TEKT1: variants seen among roughly 807,000 people sequenced by gnomAD.
TEKT1 encodes tektin-1.
A neutral mutation model predicts 34.8 loss-of-function variants in TEKT1; 32 were observed. The observed-to-expected ratio is 0.92, with a 90% CI of 0.69 to 1.23. The LOEUF (loss-of-function observed/expected upper bound fraction) is 1.23, where lower values mean the gene tolerates loss of function less well. Among genes scored for constraint, TEKT1 ranks in the 50% most tolerant of loss-of-function variants. The pLI is 0.00. For synonymous variants in TEKT1, 207 were observed against 199.8 expected (o/e 1.04, Z -0.30); for missense variants, 492 against 518.5 (o/e 0.95, Z 0.50).
intron 2 of TEKT1, among the ~76,000 whole-genome samples, chr17:6,828,327 C>G (rs569646320): frequency 6.6e-6 from 1 of 152,126 alleles, no homozygotes; most frequent in Non-Finnish European, 1.5e-5. Context: ...TAAGGGTCAA[C>G]CTATTAGGAG....
chr17:6,827,204 G>A (rs75997523), intron 2 of TEKT1, among the ~76,000 whole-genome samples: 9,255 of 151,052 alleles, frequency 0.061, 357 homozygotes, highest in Middle Eastern at 0.14. Flanking sequence ...ACAGCTCTCA[G>A]TACCTACGGT....
Position 6,800,070 on chromosome 17 carries a change from T to C in TEKT1, c.1214A>G (p.His405Arg), listed in dbSNP as rs201161430. 10 of 1,612,680 alleles carry C rather than the reference T, an allele frequency of 6.2e-6. No individual in the cohort carries two copies. In the African/African-American group the frequency reaches 9.3e-5, roughly 15 times the overall value. ...KSIPLRDGED[H>R]GVWAGGLRPD... ...GCGGAGGCCCCCAGCCCAGACCCCA[T>C]GGTCTTCCCCATCCCGAAGTGGGAT... Residue 405 changes from histidine (H) to arginine (R), a missense_variant, in exon 8 of 8, where the codon CAT becomes CGT. Physicochemically the swap from His to Arg is conservative, Grantham distance 29. Transcript: ENST00000338694.
chr17:6,827,650 T>C (rs946230767), intron 2 of TEKT1, among the ~76,000 whole-genome samples: 1 of 152,186 alleles, frequency 6.6e-6, no homozygotes, highest in East Asian at 1.9e-4. Context: ...AGATTTTCAT[T>C]GGCATTGCAT....
chr17:6,830,225 G>A lies in TEKT1; in HGVS notation c.152C>T (p.Thr51Ile), dbSNP rs141292245. ...SQRLVDEIEKTTRKSQSDVNK... is the reference protein window; with the variant it reads ...SQRLVDEIEKITRKSQSDVNK... ...CACATCGCTTTGAGATTTTCTTGTGGTCTTTTCAATTTCATCCACAAGCCT... is the reference window on the plus strand; with the variant it reads ...CACATCGCTTTGAGATTTTCTTGTGATCTTTTCAATTTCATCCACAAGCCT... The change falls in exon 2 of 8, where the codon ACC (threonine) becomes ATC (isoleucine). Residue 51 changes from threonine (T) to isoleucine (I), a missense_variant. Transcript: ENST00000338694. The A allele has an allele frequency of 4.3e-6, 7 of 1,610,110 alleles. No individual in the cohort carries two copies. In the African/African-American group the frequency reaches 8.0e-5, roughly 18 times the overall value.
Position 6,811,526 on chromosome 17 carries a change from C to T in TEKT1, c.852+1305G>A, listed in dbSNP as rs550698588. 8.5e-5 allele frequency among the ~76,000 whole-genome samples: 13 copies of T among 152,184 alleles called. No individual in the cohort carries two copies. Among genetic ancestry groups the T allele is most frequent in the East Asian group, 1.9e-4 (1 of 5,172 alleles). On this transcript the variant is annotated intron_variant, in intron 6 of 7. Coordinates refer to ENST00000338694, the MANE Select transcript of TEKT1 (RefSeq NM_053285.2). This position sits in a 1 kb window ranked among gnomAD's most constrained non-coding sequence, Gnocchi z 4.4. ...TCAAACCCAAGATGTCTGGCTCTGA[C>T]GTCTACCCATTTCCACTAGGCTCGT...
At chr17:6,820,207 C>T (rs1044642618) in intron 2 of TEKT1, among the ~76,000 whole-genome samples, 5 of 151,918 alleles carry the variant, frequency 3.3e-5, no homozygotes, top group Non-Finnish European at 7.4e-5. Flanking sequence ...TTATTTACAC[C>T]TGAGCCCTAT....
At chr17:6,810,919 T>C (rs141317633) in intron 6 of TEKT1, among the ~76,000 whole-genome samples, 3 of 152,300 alleles carry the variant, frequency 2.0e-5, no homozygotes, top group African/African-American at 7.2e-5. Flanking sequence ...TTTGTATTTT[T>C]AGTAGAGACA....
At chr17:6,830,948 A>G (rs1334437719) in intron 1 of TEKT1, among the ~76,000 whole-genome samples, 1 of 152,104 alleles carries the variant, frequency 6.6e-6, no homozygotes, top group Non-Finnish European at 1.5e-5. Context: ...TTGTTGGGTC[A>G]TGGAGTAATG....
At chr17:6,810,004 C>G (rs1976905357) in intron 6 of TEKT1, among the ~76,000 whole-genome samples, 1 of 152,126 alleles carries the variant, frequency 6.6e-6, no homozygotes, top group South Asian at 2.1e-4. Flanking sequence ...GGGCAAATAC[C>G]AAGGAAGGAG....
chr17:6,830,107 A>C, intron 2 of TEKT1, 80 bp downstream of exon 2: 1 of 1,342,054 alleles, frequency 7.5e-7, no homozygotes, highest in Non-Finnish European at 1.0e-6. Flanking sequence ...ATATGTTGCC[A>C]CATCTGAACA....
At chr17:6,816,688 A>G (rs1254508725) in intron 3 of TEKT1, among the ~76,000 whole-genome samples, 2 of 152,216 alleles carry the variant, frequency 1.3e-5, no homozygotes, top group African/African-American at 4.8e-5. Context: ...GCCACAATAA[A>G]CAAACGTGTG....
chr17:6,810,393 G>A lies in TEKT1; in HGVS notation c.852+2438C>T, dbSNP rs191625403. 4.8e-4 allele frequency among the ~76,000 whole-genome samples: 73 copies of A among 152,186 alleles called. No individual in the cohort carries two copies. In the East Asian group the frequency reaches 0.013, roughly 27 times the overall value. ...CAATTCTTTATCAGATATGTATTTTGCAAGTATTTTATCCCAGTGTGTGGT... is the reference window on the plus strand; with the variant it reads ...CAATTCTTTATCAGATATGTATTTTACAAGTATTTTATCCCAGTGTGTGGT... On this transcript the variant is annotated intron_variant, in intron 6 of 7. Coordinates refer to ENST00000338694, the MANE Select transcript of TEKT1 (RefSeq NM_053285.2).
intron 3 of TEKT1, among the ~76,000 whole-genome samples, chr17:6,816,422 T>G (rs1428717434): frequency 6.6e-6 from 1 of 152,118 alleles, no homozygotes; most frequent in Non-Finnish European, 1.5e-5. Context: ...TGATGTTCCC[T>G]GCCCTTTGTC....
intron 5 of TEKT1, among the ~76,000 whole-genome samples, chr17:6,813,938 G>C (rs924678223): frequency 7.6e-5 from 10 of 132,332 alleles, no homozygotes; most frequent in Non-Finnish European, 9.5e-5. Context: ...TGTGGCTTCT[G>C]TCATCCGTTC....
intron 6 of TEKT1, among the ~76,000 whole-genome samples, chr17:6,808,426 A>G (rs994712096): frequency 6.6e-6 from 1 of 152,102 alleles, no homozygotes; most frequent in East Asian, 1.9e-4. Flanking sequence ...GGGTGAGGCA[A>G]TGCCTCACCG....
intron 3 of TEKT1, 113 bp from the exon 4 acceptor site, chr17:6,816,075 G>A (rs777594738): frequency 6.2e-5 from 88 of 1,408,494 alleles, no homozygotes; most frequent in Middle Eastern, 2.3e-4. Flanking sequence ...AGTGTCACCC[G>A]ATCCATCCGA....
At chr17:6,824,261 C>A (rs573820104) in intron 2 of TEKT1, among the ~76,000 whole-genome samples, 9 of 152,232 alleles carry the variant, frequency 5.9e-5, no homozygotes, top group Non-Finnish European at 1.3e-4. Flanking sequence ...TTTGGGTAGT[C>A]TAATCTACCC....
chr17:6,828,926 G>A (rs1182429739), intron 2 of TEKT1, among the ~76,000 whole-genome samples: 3 of 151,966 alleles, frequency 2.0e-5, no homozygotes, highest in Non-Finnish European at 2.9e-5. Context: ...TGAGGCGGGC[G>A]GACCACCTGA....
chr17:6,816,161 T>C (rs1977005743), intron 3 of TEKT1, among the ~76,000 whole-genome samples, 199 bp from the exon 4 acceptor site: 1 of 152,200 alleles, frequency 6.6e-6, no homozygotes, highest in Non-Finnish European at 1.5e-5. Flanking sequence ...GAAAAATTGA[T>C]TGATGACTGG....
Sources: allele counts gnomAD v4.1 joint callset (sites outside exome capture counted in the v4.1 genomes callset), GRCh38; gene constraint gnomAD v4.1.1; non-coding constraint Gnocchi (gnomAD v3.1); transcripts MANE v1.5; gene names NCBI Gene and HGNC (gene_info 2026-07-23, HGNC 2026-07-21).